Variants in GMEB1 observed in about 807,000 individuals in gnomAD.
GMEB1 encodes glucocorticoid modulatory element binding protein 1, also known as glucocorticoid modulatory element-binding protein 1.
GMEB1 carries 6 observed loss-of-function variants against 52.4 expected under a neutral mutation model. The ratio of observed to expected loss-of-function variants is 0.11; its 90% CI spans 0.06 to 0.23. The LOEUF is 0.23. Ranked by LOEUF, GMEB1 falls within the 10% of genes least tolerant of loss-of-function variation. The probability of loss-of-function intolerance (pLI) is 1.00; values close to 1 mark genes in which losing one functional copy is unlikely to be tolerated. For missense variants in GMEB1, 486 were observed against 685.6 expected, an observed-to-expected ratio of 0.71 and a Z score of 3.25; for synonymous variants, 255 against 244.9, an observed-to-expected ratio of 1.04 and a Z score of -0.38.
chr1:28,685,296 G>A lies in GMEB1; in HGVS notation c.128+1556G>A, dbSNP rs529075090. 1.6e-4 allele frequency among the ~76,000 whole-genome samples: 24 copies of A among 150,782 alleles called. No homozygotes were observed. The South Asian group carries it at 3.1e-3, about 20-fold the overall frequency. Reference sequence around the variant, plus strand: ...GGGATCTCAGCTCACTGCAACCTCCGCCTCCCAGGTTTAAGTGATTCTCCT... The same window carrying A: ...GGGATCTCAGCTCACTGCAACCTCCACCTCCCAGGTTTAAGTGATTCTCCT... On this transcript the variant is annotated intron_variant, in intron 2 of 9. Coordinates refer to ENST00000373816, the MANE Select transcript of GMEB1 (RefSeq NM_001319674.2).
chr1:28,701,294 T>C lies in GMEB1; in HGVS notation c.599-1144T>C, dbSNP rs149418069. Among the ~76,000 whole-genome samples, 902 of 109,504 alleles carry C rather than the reference T, an allele frequency of 8.2e-3. 13 individuals are homozygous for C. Among genetic ancestry groups the C allele is most frequent in the African/African-American group, 0.029 (865 of 29,588 alleles). 71.8% of individuals were successfully genotyped at this position (109,504 alleles called of 152,430 possible). A position where few individuals can be genotyped will look rare whatever the true frequency, so the allele number is the denominator to read the frequency against. On this transcript the variant is annotated intron_variant, in intron 6 of 9. Coordinates refer to ENST00000373816, the MANE Select transcript of GMEB1 (RefSeq NM_001319674.2). ...TTTTTTTTTTTTTTTTTGAGATGATTTCGCTCTGTCTCCCAGGCTGGATGG... is the reference window on the plus strand; with the variant it reads ...TTTTTTTTTTTTTTTTTGAGATGATCTCGCTCTGTCTCCCAGGCTGGATGG...
chr1:28,682,211 A>G (rs998467948), intron 1 of GMEB1, among the ~76,000 whole-genome samples: 1 of 152,128 alleles, frequency 6.6e-6, no homozygotes, highest in Admixed American at 6.6e-5. Flanking sequence ...GATTGGGACA[A>G]TGCTTGGAGT....
In GMEB1 at chr1:28,701,268, C is replaced by CTTTTTTTTTT. The variant is rs67909525; in HGVS notation, c.599-1162_599-1153dup. On this transcript the variant is annotated intron_variant, in intron 6 of 9. Transcript: ENST00000373816. The stretch of plus-strand genomic sequence containing the variant: ...TTGATTCTCTTTGTTTAAAAGCTGT[C>CTTTTTTTTTT]TTTTTTTTTTTTTTTTTGAGATGAT... Among the ~76,000 whole-genome samples the CTTTTTTTTTT allele has an allele frequency of 1.1e-3, 121 of 109,814 alleles. 1 individual carries two copies. Among genetic ancestry groups the CTTTTTTTTTT allele is most frequent in the East Asian group, 2.3e-3 (7 of 3,006 alleles). 72.0% of individuals were successfully genotyped at this position (109,814 alleles called of 152,430 possible). A position where few individuals can be genotyped will look rare whatever the true frequency, so the allele number is the denominator to read the frequency against.
chr1:28,705,024 A>G (rs561810679), intron 8 of GMEB1, among the ~76,000 whole-genome samples: 1 of 148,950 alleles, frequency 6.7e-6, no homozygotes, highest in African/African-American at 2.5e-5. Flanking sequence ...TTGATGCTGC[A>G]GTGAGCTATG....
chr1:28,687,505 T>G (rs1669738035), intron 2 of GMEB1, among the ~76,000 whole-genome samples: 1 of 151,970 alleles, frequency 6.6e-6, no homozygotes, highest in South Asian at 2.1e-4. Flanking sequence ...GGCCTGGATT[T>G]TAAGGTGAGG....
intron 1 of GMEB1, among the ~76,000 whole-genome samples, chr1:28,676,902 A>G (rs994909163): frequency 6.6e-6 from 1 of 152,048 alleles, no homozygotes; most frequent in East Asian, 1.9e-4. Context: ...AAATACAAAA[A>G]GATTAGCTAG....
Position 28,678,334 on chromosome 1 carries a change from C to T in GMEB1, c.-30-5249C>T, listed in dbSNP as rs181952503. Among the ~76,000 whole-genome samples, 47 of 152,042 alleles carry T rather than the reference C, an allele frequency of 3.1e-4. 1 individual carries two copies. In the South Asian group the frequency reaches 5.0e-3, roughly 16 times the overall value. On this transcript the variant is annotated intron_variant, in intron 1 of 9. Transcript: ENST00000373816. Reference sequence around the variant, plus strand: ...TTGTTTGTTTGTTTGTTTTTTGAGACGGAGTCTCGCTCTGTCGCCCAGGCT... The same window carrying T: ...TTGTTTGTTTGTTTGTTTTTTGAGATGGAGTCTCGCTCTGTCGCCCAGGCT...
chr1:28,678,247 G>A (rs1669242990), intron 1 of GMEB1, among the ~76,000 whole-genome samples: 1 of 152,124 alleles, frequency 6.6e-6, no homozygotes. Flanking sequence ...GAGACAGAGG[G>A]AAGGGGGCTC....
At chr1:28,701,268 C>CTTTTTTTTTTTTTTTTT (rs67909525) in intron 6 of GMEB1, among the ~76,000 whole-genome samples, 15 of 109,834 alleles carry the variant, frequency 1.4e-4, no homozygotes, top group South Asian at 3.2e-4. Flanking sequence ...TAAAAGCTGT[C>CTTTTTTTTTTTTTTTTT]TTTTTTTTTT....
intron 2 of GMEB1, among the ~76,000 whole-genome samples, chr1:28,687,716 G>A (rs1421915084): frequency 6.6e-6 from 1 of 152,096 alleles, no homozygotes; most frequent in African/African-American, 2.4e-5. Flanking sequence ...CCTGAATTAA[G>A]GCAGTAGCAG....
At chr1:28,670,753 G>A (rs1668846034) in intron 1 of GMEB1, among the ~76,000 whole-genome samples, 1 of 152,172 alleles carries the variant, frequency 6.6e-6, no homozygotes, top group East Asian at 1.9e-4. Context: ...TATTACAGGC[G>A]TGAGCCACTG....
chr1:28,680,598 G>C (rs551253681), intron 1 of GMEB1, among the ~76,000 whole-genome samples: 2 of 152,146 alleles, frequency 1.3e-5, no homozygotes, highest in African/African-American at 4.8e-5. Context: ...AGCTGGGCGT[G>C]GTGGTGCGTG....
intron 3 of GMEB1, among the ~76,000 whole-genome samples, chr1:28,690,923 T>A (rs767341714): frequency 1.3e-5 from 2 of 151,956 alleles, no homozygotes; most frequent in Admixed American, 6.6e-5. Flanking sequence ...GAGGTTGCAG[T>A]GAGCCGAGGT....
intron 8 of GMEB1, among the ~76,000 whole-genome samples, chr1:28,705,101 A>AC (rs1267445706): frequency 6.7e-6 from 1 of 150,052 alleles, no homozygotes; most frequent in Non-Finnish European, 1.5e-5. Context: ...AAAAAAAAAA[A>AC]ACACAGGCCA....
At position 28,691,681 on chromosome 1, in the gene GMEB1, G is replaced by A; in HGVS notation, c.308G>A (p.Cys103Tyr). 1 of 1,573,222 alleles carries A rather than the reference G, an allele frequency of 6.4e-7. No homozygotes were observed. The highest frequency in any genetic ancestry group is 1.7e-5 in the Admixed American group (1 of 58,558). Residue 103 changes from cysteine (C) to tyrosine (Y), a missense_variant, in exon 4 of 10, where the codon TGT becomes TAT. Cys to Tyr is a radical substitution (Grantham distance 194, BLOSUM62 -2). Around this residue, in one of 5 missense-constraint regions of GMEB1, gnomAD observed 43 missense variants for 117.5 expected, o/e 0.37. Transcript: ENST00000373816. ...KAILLWKKFV[C>Y]PGINVKCVKF... ...ATCCTCCTCTGGAAGAAGTTTGTAT[G>A]TCCAGGAATAAACGTGAAGTGTGTC...
At chr1:28,703,388 G>A (rs1381148262) in intron 7 of GMEB1, among the ~76,000 whole-genome samples, 2 of 152,114 alleles carry the variant, frequency 1.3e-5, no homozygotes, top group South Asian at 2.1e-4. Flanking sequence ...CAGACCAGGT[G>A]CGGTGGCTCA....
chr1:28,685,925 C>T (rs1375364866), intron 2 of GMEB1, among the ~76,000 whole-genome samples: 1 of 152,142 alleles, frequency 6.6e-6, no homozygotes, highest in Non-Finnish European at 1.5e-5. Flanking sequence ...TGCCATTGCA[C>T]TCCAGCTTAG....
intron 6 of GMEB1, among the ~76,000 whole-genome samples, chr1:28,697,373 T>C (rs1303095191): frequency 1.3e-5 from 2 of 151,804 alleles, no homozygotes; most frequent in Admixed American, 1.3e-4. Context: ...CACACCTGGC[T>C]AATTTTGTAT....
intron 2 of GMEB1, 84 bp downstream of exon 2, chr1:28,683,824 A>G: frequency 7.8e-7 from 1 of 1,280,686 alleles, no homozygotes; most frequent in Admixed American, 2.1e-5. Context: ...GTTGCTTAGC[A>G]CAATGGAACA....
Sources: gnomAD v4.1 joint callset for allele counts (sites outside exome capture counted in the v4.1 genomes callset) on GRCh38, gnomAD v4.1.1 for gene constraint, gnomAD v4.1.1 regional missense constraint, MANE v1.5 for transcripts, NCBI Gene and HGNC (gene_info 2026-07-23, HGNC 2026-07-21) for gene names.